The following SLCO1B3 variants were observed in gnomAD, a reference collection of about 807,000 sequenced individuals.
SLCO1B3 encodes liver-specific organic anion transporter 2.
In SLCO1B3, 72 loss-of-function variants were observed where a neutral mutation model predicts 71.8. That is an observed-to-expected ratio of 1.00 (90% CI 0.83 to 1.22). The LOEUF is 1.22. Ranked by LOEUF, SLCO1B3 falls within the 50% of genes most tolerant of loss-of-function variation. The pLI is 0.00. For missense variants in SLCO1B3, 911 were observed against 819.7 expected (o/e 1.11, Z -1.36); for synonymous variants, 298 against 278.4 (o/e 1.07, Z -0.70).
In SLCO1B3 at chr12:20,877,811, T is replaced by C. The variant is rs1383987667; in HGVS notation, c.1010T>C (p.Leu337Pro). ...QSLKSILTNP[L>P]YVIFLLLTLL... ...TTGAAAAGCATCCTTACCAATCCCCTGTATGTTATATTTCTGCTTTTGACA... is the reference window on the plus strand; with the variant it reads ...TTGAAAAGCATCCTTACCAATCCCCCGTATGTTATATTTCTGCTTTTGACA... The change falls in exon 10 of 16, where the codon CTG becomes CCG. Residue 337 changes from leucine (L) to proline (P), a missense_variant. Leu to Pro is a moderately conservative substitution (Grantham distance 98). Coordinates refer to ENST00000381545, the MANE Select transcript of SLCO1B3 (RefSeq NM_019844.4). 1 of 1,558,038 alleles carries C rather than the reference T, an allele frequency of 6.4e-7. No homozygotes were observed.
At chr12:20,876,997 A>C (rs1342280829) in intron 9 of SLCO1B3, among the ~76,000 whole-genome samples, 3 of 151,892 alleles carry the variant, frequency 2.0e-5, no homozygotes, top group Non-Finnish European at 4.4e-5. Context: ...TACCCGGCTA[A>C]TTTTTTGTAT....
At chr12:20,846,038 T>C (rs981360422) in intron 3 of SLCO1B3, among the ~76,000 whole-genome samples, 3 of 152,094 alleles carry the variant, frequency 2.0e-5, no homozygotes, top group Non-Finnish European at 4.4e-5. Flanking sequence ...GAGCAGGAGC[T>C]ATTCTTACAT....
intron 13 of SLCO1B3, among the ~76,000 whole-genome samples, chr12:20,893,909 C>T (rs1160069343): frequency 1.3e-5 from 2 of 152,104 alleles, no homozygotes; most frequent in African/African-American, 4.8e-5. Context: ...GGTAATGTTT[C>T]AGAACTTTTT....
intron 13 of SLCO1B3, among the ~76,000 whole-genome samples, chr12:20,894,721 G>C (rs770113224): frequency 1.3e-5 from 2 of 152,164 alleles, no homozygotes; most frequent in Non-Finnish European, 2.9e-5. Flanking sequence ...ATATTTGAGA[G>C]TAATAACTAA....
chr12:20,846,130 C>G (rs773521436), intron 3 of SLCO1B3, among the ~76,000 whole-genome samples: 55 of 152,186 alleles, frequency 3.6e-4, no homozygotes, highest in Middle Eastern at 3.4e-3. Flanking sequence ...TCATAGCTTA[C>G]TTCCTTTGGT....
At chr12:20,852,962 A>G (rs539935428) in intron 3 of SLCO1B3, among the ~76,000 whole-genome samples, 122 of 152,174 alleles carry the variant, frequency 8.0e-4, no homozygotes, top group African/African-American at 2.8e-3. Context: ...AGGTTGAATT[A>G]ATATTAATGT....
intron 13 of SLCO1B3, among the ~76,000 whole-genome samples, chr12:20,892,885 G>C (rs1865932081): frequency 6.6e-6 from 1 of 152,158 alleles, no homozygotes; most frequent in Admixed American, 6.5e-5. Context: ...CAGGGATGCA[G>C]CTCTTTGTAT....
rs373432026 is a variant in SLCO1B3 at position 20,875,308 on chromosome 12, A to C, written c.801A>C (p.Leu267=). Residue 267 remains leucine, a synonymous_variant, in exon 9 of 16, where the codon CTA becomes CTC. Coordinates refer to ENST00000381545, the MANE Select transcript of SLCO1B3 (RefSeq NM_019844.4). ...GGCTTGGTTTCCTTGTGTCTGGACTATTTTCCATTATTTCTTCCATACCAT... is the reference window on the plus strand; with the variant it reads ...GGCTTGGTTTCCTTGTGTCTGGACTCTTTTCCATTATTTCTTCCATACCAT... ...AWWLGFLVSG[L]FSIISSIPFF... is the part of the protein sequence containing the mutation. 4 of 1,613,366 alleles carry C rather than the reference A, an allele frequency of 2.5e-6. No individual in the cohort carries two copies. Among genetic ancestry groups the C allele is most frequent in the Non-Finnish European group, 2.5e-6 (3 of 1,179,526 alleles).
At chr12:20,834,621 T>C (rs1241105105) in intron 3 of SLCO1B3, among the ~76,000 whole-genome samples, 4 of 151,982 alleles carry the variant, frequency 2.6e-5, no homozygotes, top group African/African-American at 9.7e-5. Flanking sequence ...CTGTTCTCTC[T>C]GGCAAACATC....
intron 9 of SLCO1B3, among the ~76,000 whole-genome samples, chr12:20,875,689 T>G (rs572122974): frequency 6.6e-6 from 1 of 152,290 alleles, no homozygotes; most frequent in African/African-American, 2.4e-5. Flanking sequence ...TTCTGCTCTT[T>G]AGAAGAGAGA....
At position 20,898,489 on chromosome 12, in the gene SLCO1B3, T is replaced by C. The variant is rs1187296494; in HGVS notation, c.1736T>C (p.Ile579Thr). The C allele has an allele frequency of 6.4e-7, 1 of 1,553,978 alleles. No homozygotes were observed. The highest frequency in any genetic ancestry group is 8.9e-7 in the Non-Finnish European group (1 of 1,129,122). ...GCAATGGGTTTCCAGTCAATGGTTA[T>C]AAGAACACTAGGTATGACAAATATA... ...ALAMGFQSMV[I>T]RTLGGILAPI... Residue 579 changes from isoleucine to threonine, a missense_variant, in exon 14 of 16, where the codon ATA becomes ACA. By Grantham distance (89) the Ile-to-Thr change is moderately conservative. Transcript: ENST00000381545.
chr12:20,854,241 T>C (rs1591762380), intron 3 of SLCO1B3, among the ~76,000 whole-genome samples: 1 of 152,168 alleles, frequency 6.6e-6, no homozygotes, highest in East Asian at 1.9e-4. Context: ...GTTCAAGTCA[T>C]TTGATTCCTA....
At chr12:20,821,290 G>A (rs982965478) in intron 3 of SLCO1B3, among the ~76,000 whole-genome samples, 1 of 152,164 alleles carries the variant, frequency 6.6e-6, no homozygotes, top group Non-Finnish European at 1.5e-5. Flanking sequence ...AAAATTGAAA[G>A]TGCCGTTTTT....
Position 20,880,868 on chromosome 12 carries a change from G to T in SLCO1B3, c.1345G>T (p.Ala449Ser). ...TLTYDGNNSV[A>S]SHVDVPLSYC... is the part of the protein sequence containing the mutation. The stretch of plus-strand genomic sequence containing the variant: ...ATATATTTTCAGAAATAATTCAGTG[G>T]CATCTCATGTAGATGTACCACTTTC... Residue 449 changes from alanine (A) to serine (S), a missense_variant, in exon 12 of 16, where the codon GCA becomes TCA. By Grantham distance (99) the Ala-to-Ser change is moderately conservative (BLOSUM62 1). Transcript: ENST00000381545. 6.3e-7 allele frequency: 1 copy of T among 1,587,976 alleles called. No homozygotes were observed. Among genetic ancestry groups the T allele is most frequent in the South Asian group, 1.1e-5 (1 of 87,138 alleles).
At position 20,862,482 on chromosome 12, in the gene SLCO1B3, G is replaced by A; in HGVS notation, c.552G>A (p.Gly184=). 1.2e-6 allele frequency: 2 copies of A among 1,612,816 alleles called. No individual in the cohort carries two copies. Among genetic ancestry groups the A allele is most frequent in the South Asian group, 1.1e-5 (1 of 90,944 alleles). ...VFMGNMLRGI[G]ETPIVPLGIS... ...TGGGGAATATGCTTCGTGGCATAGG[G>A]GAAACCCCCATAGTACCATTGGGGA... The change falls in exon 7 of 16, where the codon GGG becomes GGA. Residue 184 remains glycine, a synonymous_variant. Coordinates refer to ENST00000381545, the MANE Select transcript of SLCO1B3 (RefSeq NM_019844.4).
At chr12:20,846,860 A>T (rs568832398) in intron 3 of SLCO1B3, among the ~76,000 whole-genome samples, 1 of 152,122 alleles carries the variant, frequency 6.6e-6, no homozygotes, top group South Asian at 2.1e-4. Flanking sequence ...ACTAATGAAC[A>T]GCTTGCCGTG....
At chr12:20,811,569 C>T (rs1271850606) in intron 1 of SLCO1B3, among the ~76,000 whole-genome samples, 1 of 152,086 alleles carries the variant, frequency 6.6e-6, no homozygotes, top group East Asian at 1.9e-4. Flanking sequence ...TTTCTATAAC[C>T]CCTTAAATAT....
At chr12:20,870,068 CATT>C (rs1202858793) in intron 8 of SLCO1B3, among the ~76,000 whole-genome samples, 3 of 152,078 alleles carry the variant, frequency 2.0e-5, no homozygotes, top group African/African-American at 7.2e-5. Context: ...TTTTGATTTG[CATT>C]ATTATGATAA....
At chr12:20,880,598 TC>T (rs1173735245) in intron 11 of SLCO1B3, among the ~76,000 whole-genome samples, 11 of 152,110 alleles carry the variant, frequency 7.2e-5, no homozygotes, top group African/African-American at 1.9e-4. Flanking sequence ...TTTTACTTTT[TC>T]TAGGTCATAA....
Sources: allele counts gnomAD v4.1 joint callset (sites outside exome capture counted in the v4.1 genomes callset), GRCh38; gene constraint gnomAD v4.1.1; transcripts MANE v1.5; gene names NCBI Gene and HGNC (gene_info 2026-07-23, HGNC 2026-07-21).